INTS7: variants seen among roughly 807,000 people sequenced by gnomAD.
INTS7 encodes the protein chromosome 1 open reading frame 73.
In INTS7, 46 loss-of-function variants were observed where a neutral mutation model predicts 109.2. The observed-to-expected ratio is 0.42, with a 90% CI of 0.33 to 0.54. The LOEUF (loss-of-function observed/expected upper bound fraction) is 0.54, where lower values mean the gene tolerates loss of function less well. INTS7 is among the 20% of genes least tolerant of loss of function. The probability of loss-of-function intolerance (pLI) is 0.07; values close to 1 mark genes in which losing one functional copy is unlikely to be tolerated. For synonymous variants in INTS7, 412 were observed against 402.9 expected (o/e 1.02, Z -0.27); for missense variants, 929 against 1,132.4 (o/e 0.82, Z 2.58).
intron 3 of INTS7, among the ~76,000 whole-genome samples, chr1:212,017,444 T>C (rs1204789260): frequency 6.6e-6 from 1 of 152,260 alleles, no homozygotes; most frequent in Non-Finnish European, 1.5e-5. Context: ...CCAATCTTTT[T>C]TTCCCACATC....
chr1:211,996,998 T>C (rs1369137666), intron 7 of INTS7, among the ~76,000 whole-genome samples: 1 of 152,046 alleles, frequency 6.6e-6, no homozygotes, highest in East Asian at 1.9e-4. Context: ...CACTCCAGCC[T>C]GGGCACTGGA....
chr1:211,980,959 AG>A (rs1664635336), intron 10 of INTS7, 133 bp downstream of exon 10: 1 of 523,420 alleles, frequency 1.9e-6, no homozygotes, highest in African/African-American at 1.9e-5. Context: ...AAATCAGTGT[AG>A]TTTTATCAGT....
intron 3 of INTS7, among the ~76,000 whole-genome samples, chr1:212,018,755 A>G (rs569894645): frequency 6.6e-6 from 1 of 152,300 alleles, no homozygotes; most frequent in East Asian, 1.9e-4. Context: ...GTATATATAG[A>G]CTCACAACTC....
intron 7 of INTS7, among the ~76,000 whole-genome samples, chr1:211,997,749 C>T (rs557759251): frequency 9.9e-5 from 15 of 151,500 alleles, no homozygotes; most frequent in African/African-American, 2.7e-4. Flanking sequence ...GGTGATGGTG[C>T]GCACCTGTAA....
At chr1:212,027,495 G>C (rs1409259133) in intron 1 of INTS7, among the ~76,000 whole-genome samples, 10 of 152,080 alleles carry the variant, frequency 6.6e-5, no homozygotes, top group Admixed American at 4.6e-4. Flanking sequence ...AACAAAAACA[G>C]ATCTCTCTTC....
At position 212,020,270 on chromosome 1, in the gene INTS7, T is replaced by C; in HGVS notation, c.225-2A>G. 6 of 1,541,906 alleles carry C rather than the reference T, an allele frequency of 3.9e-6. No individual in the cohort carries two copies. Among genetic ancestry groups the C allele is most frequent in the Non-Finnish European group, 4.4e-6 (5 of 1,137,546 alleles). On this transcript the variant is annotated splice_acceptor_variant, in intron 2 of 19. Transcript: ENST00000366994. LOFTEE classifies it high-confidence loss of function. ...ACACATAGCCTCAGGAAATTATTTCTAGAAAAACCAGAAATAAATTAGGTC... is the reference window on the plus strand; with the variant it reads ...ACACATAGCCTCAGGAAATTATTTCCAGAAAAACCAGAAATAAATTAGGTC...
At chr1:212,034,599 C>T (rs754010870) in intron 1 of INTS7, among the ~76,000 whole-genome samples, 1 of 152,206 alleles carries the variant, frequency 6.6e-6, no homozygotes, top group African/African-American at 2.4e-5. Context: ...CTCCCATATC[C>T]ACATCTAAGA....
chr1:211,950,598 C>T (rs77492540), intron 17 of INTS7, among the ~76,000 whole-genome samples: 3,929 of 152,300 alleles, frequency 0.026, 57 homozygotes, highest in African/African-American at 0.045. Flanking sequence ...TAACCACTCC[C>T]TATATGACAG....
chr1:211,989,493 A>T (rs751821132), intron 7 of INTS7, among the ~76,000 whole-genome samples: 3 of 152,164 alleles, frequency 2.0e-5, no homozygotes, highest in Non-Finnish European at 2.9e-5. Context: ...TATTCACATC[A>T]TATAACATCA....
At position 211,952,660 on chromosome 1, in the gene INTS7, C is replaced by T; in HGVS notation, c.2225G>A (p.Ser742Asn). Residue 742 changes from serine (S) to asparagine (N), a missense_variant, in exon 17 of 20, where the codon AGT becomes AAT. Ser to Asn is a conservative substitution (Grantham distance 46, BLOSUM62 1). Transcript: ENST00000366994. ...AGACATCATTCTTCTTTCATATTCA[C>T]TATCAGCATGGGCTGTTCCAGTAGA... Reference protein sequence around the residue: ...YGSTGTAHADSEYERRMMSVY... With the variant: ...YGSTGTAHADNEYERRMMSVY... The T allele has an allele frequency of 6.2e-7, 1 of 1,612,982 alleles. No individual in the cohort carries two copies. Among genetic ancestry groups the T allele is most frequent in the Non-Finnish European group, 8.5e-7 (1 of 1,179,226 alleles).
intron 7 of INTS7, 42 bp downstream of exon 7, chr1:212,006,592 AATGTT>A (rs754501991): frequency 7.3e-6 from 7 of 958,726 alleles, no homozygotes; most frequent in African/African-American, 6.8e-5. Flanking sequence ...ACTATATTAT[AATGTT>A]ATATTATTTT....
rs571107356 is a variant in INTS7 at position 211,992,465 on chromosome 1, A to C, written c.880-4462T>G. ...ATTATTGGGAACCTAAAGCAGTCTC[A>C]GTAAATAAATATTCGTTTAAGCCTG... On this transcript the variant is annotated intron_variant, in intron 7 of 19. Coordinates refer to ENST00000366994, the MANE Select transcript of INTS7 (RefSeq NM_015434.4). 1.1e-4 allele frequency among the ~76,000 whole-genome samples: 16 copies of C among 152,304 alleles called. No homozygotes were observed. The South Asian group carries it at 3.3e-3, about 32-fold the overall frequency.
At chr1:212,001,064 CTTTT>C (rs71137715) in intron 7 of INTS7, among the ~76,000 whole-genome samples, 64 of 122,820 alleles carry the variant, frequency 5.2e-4, no homozygotes, top group Admixed American at 1.0e-3. Flanking sequence ...GGCAGAATTC[CTTTT>C]TTTTTTTTTT....
chr1:211,976,447 T>C (rs1317468921), intron 12 of INTS7, 135 bp downstream of exon 12: 25 of 731,150 alleles, frequency 3.4e-5, no homozygotes, highest in African/African-American at 1.8e-5. Flanking sequence ...CTTTCCTTCC[T>C]CATCTTCAGA....
chr1:211,992,364 T>C (rs2102445124), intron 7 of INTS7, among the ~76,000 whole-genome samples: 1 of 152,282 alleles, frequency 6.6e-6, no homozygotes, highest in African/African-American at 2.4e-5. Context: ...AATTTTACCA[T>C]TTAAAAAACT....
intron 1 of INTS7, among the ~76,000 whole-genome samples, chr1:212,028,603 A>G (rs887157143): frequency 1.3e-5 from 2 of 152,246 alleles, no homozygotes; most frequent in African/African-American, 4.8e-5. Context: ...AATAAAATGA[A>G]GGACCATGAA....
chr1:212,001,159 C>T (rs1050210788), intron 7 of INTS7, among the ~76,000 whole-genome samples: 2 of 151,264 alleles, frequency 1.3e-5, no homozygotes, highest in South Asian at 2.1e-4. Flanking sequence ...CTCTGCTTCC[C>T]GGATTCAAGC....
At chr1:212,021,288 A>AT in intron 1 of INTS7, 76 bp from the exon 2 acceptor site, 1 of 1,201,106 alleles carries the variant, frequency 8.3e-7, no homozygotes. Context: ...TAGCAAATAT[A>AT]ATTTACTAGA....
At chr1:212,015,304 G>A (rs2993532) in intron 4 of INTS7, among the ~76,000 whole-genome samples, 6,994 of 152,218 alleles carry the variant, frequency 0.046, 226 homozygotes, top group African/African-American at 0.084. Flanking sequence ...AGATCAGATT[G>A]TTACTGTGTC....
Sources: gnomAD v4.1 joint callset for allele counts (sites outside exome capture counted in the v4.1 genomes callset) on GRCh38, gnomAD v4.1.1 for gene constraint, MANE v1.5 for transcripts, NCBI Gene and HGNC (gene_info 2026-07-23, HGNC 2026-07-21) for gene names.